CACNA2D1: variants seen among roughly 807,000 people sequenced by gnomAD.
The protein encoded by CACNA2D1 is calcium voltage-gated channel auxiliary subunit alpha2delta 1, also known as voltage-dependent calcium channel subunit alpha-2/delta-1.
In CACNA2D1, 53 loss-of-function variants were observed where a neutral mutation model predicts 171.5. The ratio of observed to expected loss-of-function variants is 0.31; its 90% CI spans 0.25 to 0.39. CACNA2D1 has a LOEUF of 0.39. Ranked by LOEUF, CACNA2D1 falls within the 10% of genes least tolerant of loss-of-function variation. The pLI is 1.00. For missense variants in CACNA2D1, 903 were observed against 1,299.8 expected (o/e 0.69, Z 4.69); for synonymous variants, 442 against 443.1 (o/e 1.00, Z 0.03).
intron 3 of CACNA2D1, among the ~76,000 whole-genome samples, chr7:82,272,216 T>C (rs553271656): frequency 3.9e-5 from 6 of 152,174 alleles, no homozygotes; most frequent in Non-Finnish European, 7.4e-5. Flanking sequence ...AGCAAGAGTA[T>C]TGGAATATAT....
At position 81,974,555 on chromosome 7, in the gene CACNA2D1, G is replaced by GGA; in HGVS notation, c.1956-4_1956-3insTC. 2.2e-6 allele frequency: 3 copies of GGA among 1,345,000 alleles called. No homozygotes were observed. Among genetic ancestry groups the GGA allele is most frequent in the African/African-American group, 1.5e-5 (1 of 67,788 alleles). The allele number at this position is 1,345,000 out of a possible 1,614,324, so 83.3% of individuals were successfully genotyped here. On this transcript the variant is annotated splice_polypyrimidine_tract_variant and splice_region_variant and intron_variant, in intron 24 of 38. Coordinates refer to ENST00000356860, the MANE Select transcript of CACNA2D1 (RefSeq NM_000722.4). ...TTTTCAGGTCATTGCAGTAATCTCT[G>GGA]AAAAAAAAACATTTTGAGATATTAG...
At chr7:81,982,875 A>G (rs571986280) in intron 23 of CACNA2D1, 20 of 569,852 alleles carry the variant, frequency 3.5e-5, no homozygotes, top group African/African-American at 3.2e-4. Context: ...TGCTATGTCT[A>G]TAATTTTCTG....
chr7:82,118,290 T>C (rs531298212), intron 5 of CACNA2D1, among the ~76,000 whole-genome samples: 2 of 152,324 alleles, frequency 1.3e-5, no homozygotes, highest in African/African-American at 4.8e-5. Flanking sequence ...AATGCATCTA[T>C]AACATTTTTT....
intron 12 of CACNA2D1, among the ~76,000 whole-genome samples, chr7:82,030,951 A>G (rs577164471): frequency 6.6e-6 from 1 of 152,016 alleles, no homozygotes; most frequent in Non-Finnish European, 1.5e-5. Context: ...CCTTGCCCCC[A>G]GTTATATTTT....
At chr7:82,038,885 A>G (rs1201597166) in intron 10 of CACNA2D1, among the ~76,000 whole-genome samples, 2 of 152,180 alleles carry the variant, frequency 1.3e-5, no homozygotes, top group Non-Finnish European at 2.9e-5. Flanking sequence ...ATCAACTCCA[A>G]CGATAACTGC....
intron 1 of CACNA2D1, among the ~76,000 whole-genome samples, chr7:82,428,220 A>C (rs1047502571): frequency 6.6e-6 from 1 of 152,224 alleles, no homozygotes; most frequent in Non-Finnish European, 1.5e-5. Flanking sequence ...AATGATATTC[A>C]GCATAGATCC....
chr7:82,208,952 T>G (rs1800285020), intron 3 of CACNA2D1, among the ~76,000 whole-genome samples: 2 of 152,182 alleles, frequency 1.3e-5, no homozygotes, highest in African/African-American at 4.8e-5. Flanking sequence ...ATATACAATT[T>G]TTATTTGTCA....
intron 1 of CACNA2D1, among the ~76,000 whole-genome samples, chr7:82,392,312 G>C (rs1387804890): frequency 6.6e-6 from 1 of 152,034 alleles, no homozygotes; most frequent in Non-Finnish European, 1.5e-5. Flanking sequence ...GAGAGAGACA[G>C]ACCACCCAAC....
chr7:81,956,086 C>G (rs1006174279), intron 38 of CACNA2D1, among the ~76,000 whole-genome samples: 18 of 146,596 alleles, frequency 1.2e-4, no homozygotes, highest in Non-Finnish European at 1.5e-5. Context: ...CTCCTAGGCT[C>G]AAGCAATTCT....
Position 82,084,905 on chromosome 7 carries a change from CA to C in CACNA2D1, c.527-6del. 1.2e-6 allele frequency: 2 copies of C among 1,607,472 alleles called. No homozygotes were observed. The highest frequency in any genetic ancestry group is 8.5e-7 in the Non-Finnish European group (1 of 1,175,754). On this transcript the variant is annotated splice_region_variant and splice_polypyrimidine_tract_variant and intron_variant, in intron 6 of 38. Transcript: ENST00000356860. Reference sequence around the variant, plus strand: ...GTTCATTTAACACAATTGTTGCTAACAAAAAAGAGAGAAACCATTAATTAAT... The same window carrying C: ...GTTCATTTAACACAATTGTTGCTAACAAAAAGAGAGAAACCATTAATTAAT...
chr7:82,289,617 G>GA (rs1811272670), intron 3 of CACNA2D1, among the ~76,000 whole-genome samples: 2 of 152,132 alleles, frequency 1.3e-5, no homozygotes, highest in South Asian at 2.1e-4. Flanking sequence ...GGCATAGAGG[G>GA]AAAAAACACC....
chr7:81,993,335 A>G (rs137941544), intron 20 of CACNA2D1, among the ~76,000 whole-genome samples: 2 of 152,296 alleles, frequency 1.3e-5, no homozygotes, highest in Non-Finnish European at 2.9e-5. Flanking sequence ...AAATGTGCCA[A>G]ACTGGAGATT....
At chr7:82,429,183 T>C (rs1480316310) in intron 1 of CACNA2D1, among the ~76,000 whole-genome samples, 1 of 152,236 alleles carries the variant, frequency 6.6e-6, no homozygotes, top group Non-Finnish European at 1.5e-5. Flanking sequence ...ATATATTCTA[T>C]GTACATGTAG....
At chr7:82,064,548 T>C (rs1403262139) in intron 8 of CACNA2D1, among the ~76,000 whole-genome samples, 194 bp from the exon 9 acceptor site, 1 of 152,088 alleles carries the variant, frequency 6.6e-6, no homozygotes, top group Non-Finnish European at 1.5e-5. Flanking sequence ...AATATAACAA[T>C]AGAGATGTCA....
At chr7:82,194,741 A>G (rs1233986739) in intron 3 of CACNA2D1, among the ~76,000 whole-genome samples, 3 of 152,040 alleles carry the variant, frequency 2.0e-5, no homozygotes, top group Non-Finnish European at 2.9e-5. Flanking sequence ...GATCAGGGAG[A>G]AGAGATAACA....
intron 1 of CACNA2D1, among the ~76,000 whole-genome samples, chr7:82,372,017 C>A (rs2129448358): frequency 6.6e-6 from 1 of 152,214 alleles, no homozygotes; most frequent in East Asian, 1.9e-4. Context: ...CATGCAATTT[C>A]TTTAAAAGAC....
chr7:82,077,884 C>T (rs1051732494), intron 7 of CACNA2D1, among the ~76,000 whole-genome samples: 12 of 151,954 alleles, frequency 7.9e-5, no homozygotes, highest in Non-Finnish European at 1.3e-4. Flanking sequence ...AGATCGAACG[C>T]TTCATTTATG....
intron 10 of CACNA2D1, among the ~76,000 whole-genome samples, chr7:82,042,035 G>A (rs907213110): frequency 3.3e-5 from 5 of 152,134 alleles, no homozygotes; most frequent in Admixed American, 2.0e-4. Context: ...CTGATTAAAT[G>A]TAAATTCATT....
intron 10 of CACNA2D1, among the ~76,000 whole-genome samples, chr7:82,043,114 T>C (rs1029821223): frequency 1.1e-4 from 17 of 152,284 alleles, no homozygotes; most frequent in Middle Eastern, 3.4e-3. Context: ...TGTTGATCAA[T>C]AATCAAACTA....
Sources: gnomAD v4.1 joint callset for allele counts (sites outside exome capture counted in the v4.1 genomes callset) on GRCh38, gnomAD v4.1.1 for gene constraint, MANE v1.5 for transcripts, NCBI Gene and HGNC (gene_info 2026-07-23, HGNC 2026-07-21) for gene names.